Variants in FAM219A observed in about 807,000 individuals in gnomAD.
FAM219A encodes the protein protein FAM219A.
In FAM219A, 7 loss-of-function variants were observed where a neutral mutation model predicts 23.4. The observed-to-expected ratio is 0.30, with a 90% confidence interval of 0.17 to 0.56. FAM219A has a LOEUF of 0.56. Among genes scored for constraint, FAM219A ranks in the 20% least tolerant of loss-of-function variants. The pLI, the probability that FAM219A is intolerant of heterozygous loss-of-function variation, is 0.92. For synonymous variants in FAM219A, 93 were observed against 99.0 expected (o/e 0.94, Z 0.36); for missense variants, 166 against 246.9 (o/e 0.67, Z 2.20).
chr9:34,402,562 C>T, intron 3 of FAM219A, 95 bp from the exon 4 acceptor site: 1 of 1,569,598 alleles, frequency 6.4e-7, no homozygotes, highest in Non-Finnish European at 8.7e-7. Flanking sequence ...TTTCTTCCCT[C>T]CCTCCCCACC....
intron 3 of FAM219A, 82 bp downstream of exon 3, chr9:34,402,623 G>A: frequency 6.4e-7 from 1 of 1,564,004 alleles, no homozygotes; most frequent in Non-Finnish European, 8.7e-7. Flanking sequence ...GGCCTGAGGA[G>A]GGAGGGAAGA....
Position 34,458,096 on chromosome 9 carries a change from G to T in FAM219A, c.60+108C>A. On this transcript the variant is annotated intron_variant, in intron 1 of 5. Transcript: ENST00000651358. The surrounding 1 kb of genome is among the most constrained non-coding windows in gnomAD (Gnocchi z 6.6). ...GCAATACGTTTTCAGGGATCTCTTT[G>T]CCCCATCCGATGGCGCCCCTCCGCA... The T allele has an allele frequency of 9.7e-7, 1 of 1,036,182 alleles. No individual in the cohort carries two copies. Among genetic ancestry groups the T allele is most frequent in the Non-Finnish European group, 1.3e-6 (1 of 755,986 alleles). 64.2% of individuals were successfully genotyped at this position (1,036,182 alleles called of 1,614,324 possible).
chr9:34,456,192 CA>C (rs908458506), intron 1 of FAM219A, among the ~76,000 whole-genome samples: 3 of 149,006 alleles, frequency 2.0e-5, no homozygotes, highest in Non-Finnish European at 4.5e-5. Context: ...GACCCTGTCT[CA>C]AAAAAAAAGA....
chr9:34,421,007 T>TGAGAGAGAGAGAGAGAGAGAGA (rs761212084), intron 1 of FAM219A, among the ~76,000 whole-genome samples: 92 of 76,738 alleles, frequency 1.2e-3, no homozygotes, highest in Non-Finnish European at 1.7e-3. Context: ...TGTGTGTGTG[T>TGAGAGAGAGAGAGAGAGAGAGA]GTGAGAGAGA....
At chr9:34,450,308 CA>C (rs35932974) in intron 1 of FAM219A, among the ~76,000 whole-genome samples, 26,386 of 125,496 alleles carry the variant, frequency 0.21, 2,404 homozygotes, top group East Asian at 0.36. Context: ...GACCCTGTCT[CA>C]AAAAAAAAAA....
intron 1 of FAM219A, among the ~76,000 whole-genome samples, chr9:34,407,425 C>T (rs10116555): frequency 0.22 from 34,008 of 151,990 alleles, 4,207 homozygotes; most frequent in African/African-American, 0.33. Flanking sequence ...GTAGAGAAAA[C>T]AGTATAGTGA....
At chr9:34,438,600 T>C (rs1049732909) in intron 1 of FAM219A, among the ~76,000 whole-genome samples, 2 of 152,194 alleles carry the variant, frequency 1.3e-5, no homozygotes, top group South Asian at 2.1e-4. Flanking sequence ...CGGCACTCTG[T>C]ATCTAGCTCA....
chr9:34,403,492 G>A (rs964986882), intron 2 of FAM219A, among the ~76,000 whole-genome samples: 1 of 152,212 alleles, frequency 6.6e-6, no homozygotes, highest in Admixed American at 6.5e-5. Context: ...TACAAAGTAA[G>A]GGGCAGAAGG....
In FAM219A at chr9:34,448,306, C is replaced by T. The variant is rs146585159; in HGVS notation, c.60+9898G>A. Among the ~76,000 whole-genome samples, 113 of 152,222 alleles carry T rather than the reference C, an allele frequency of 7.4e-4. 1 individual carries two copies. The East Asian group carries it at 0.021, about 28-fold the overall frequency. On this transcript the variant is annotated intron_variant, in intron 1 of 5. Coordinates refer to ENST00000651358, the MANE Select transcript of FAM219A (RefSeq NM_001184940.2). The stretch of plus-strand genomic sequence containing the variant: ...CAAGATAACTATGATGATTCAGGGC[C>T]GCTGGGATGGCAACCAGAATACTAG...
chr9:34,401,188 C>T, intron 5 of FAM219A, 66 bp from the exon 6 acceptor site: 1 of 1,568,994 alleles, frequency 6.4e-7, no homozygotes, highest in South Asian at 1.1e-5. Flanking sequence ...GCTCTGCGGC[C>T]ACTCCAGGCC....
intron 1 of FAM219A, among the ~76,000 whole-genome samples, chr9:34,407,506 C>A (rs558654645): frequency 6.6e-6 from 1 of 152,168 alleles, no homozygotes; most frequent in African/African-American, 2.4e-5. Flanking sequence ...AATGAGGAAA[C>A]CTGGGCCGAG....
intron 1 of FAM219A, among the ~76,000 whole-genome samples, chr9:34,435,330 G>A (rs1822861846): frequency 6.6e-6 from 1 of 152,106 alleles, no homozygotes; most frequent in Admixed American, 6.6e-5. Flanking sequence ...CTTTTGGTAT[G>A]CATACCCAAT....
chr9:34,444,704 G>A (rs1463179040), intron 1 of FAM219A, among the ~76,000 whole-genome samples: 1 of 152,158 alleles, frequency 6.6e-6, no homozygotes, highest in East Asian at 1.9e-4. Context: ...GCCCACTGGG[G>A]AGCCAGGAGC....
intron 1 of FAM219A, among the ~76,000 whole-genome samples, chr9:34,418,066 C>A (rs1221156440): frequency 6.6e-6 from 1 of 152,086 alleles, no homozygotes; most frequent in Non-Finnish European, 1.5e-5. Context: ...GAGAATTAAC[C>A]AAAATGGCTT....
chr9:34,429,981 CCTA>C (rs1822629076), intron 1 of FAM219A, among the ~76,000 whole-genome samples: 1 of 152,152 alleles, frequency 6.6e-6, no homozygotes, highest in South Asian at 2.1e-4. Flanking sequence ...CCCCAGGACT[CCTA>C]CTATCCTGAA....
chr9:34,447,439 G>C (rs1232241642), intron 1 of FAM219A, among the ~76,000 whole-genome samples: 2 of 152,206 alleles, frequency 1.3e-5, no homozygotes, highest in South Asian at 4.1e-4. Context: ...TCAGTTTCAG[G>C]GGTGAGAAAC....
intron 1 of FAM219A, among the ~76,000 whole-genome samples, chr9:34,425,211 T>G (rs1462422078): frequency 6.6e-6 from 1 of 152,186 alleles, no homozygotes; most frequent in African/African-American, 2.4e-5. Context: ...AGGCCCACAG[T>G]GGCTCATACC....
At chr9:34,418,894 AC>A (rs2131958513) in intron 1 of FAM219A, among the ~76,000 whole-genome samples, 1 of 152,166 alleles carries the variant, frequency 6.6e-6, no homozygotes, top group African/African-American at 2.4e-5. Flanking sequence ...ACACAGCGAA[AC>A]CCTGTCTCTA....
intron 1 of FAM219A, among the ~76,000 whole-genome samples, chr9:34,446,032 G>A (rs1823356899): frequency 6.6e-6 from 1 of 152,090 alleles, no homozygotes; most frequent in Non-Finnish European, 1.5e-5. Flanking sequence ...AATTAGCTGG[G>A]TGTGGTGGTG....
Sources: allele counts gnomAD v4.1 joint callset (sites outside exome capture counted in the v4.1 genomes callset), GRCh38; gene constraint gnomAD v4.1.1; non-coding constraint Gnocchi (gnomAD v3.1); transcripts MANE v1.5; gene names NCBI Gene and HGNC (gene_info 2026-07-23, HGNC 2026-07-21).